The following FAM13C variants were observed in gnomAD, a reference collection of about 807,000 sequenced individuals.
FAM13C encodes family with sequence similarity 13 member C.
Under a neutral mutation model 73.2 loss-of-function variants are expected in FAM13C, and 37 were observed. The observed-to-expected ratio is 0.51, with a 90% CI of 0.39 to 0.67. FAM13C has a LOEUF of 0.67. Among genes scored for constraint, FAM13C ranks in the 30% least tolerant of loss-of-function variants. FAM13C has a pLI of 0.00. For synonymous variants in FAM13C, 246 were observed against 260.9 expected (o/e 0.94, Z 0.55); for missense variants, 589 against 715.6 (o/e 0.82, Z 2.02).
At chr10:59,328,225 C>T (rs1851446852) in intron 3 of FAM13C, among the ~76,000 whole-genome samples, 1 of 152,158 alleles carries the variant, frequency 6.6e-6, no homozygotes, top group Admixed American at 6.6e-5. Context: ...TTATCTCATC[C>T]AGGTACAGAG....
intron 4 of FAM13C, among the ~76,000 whole-genome samples, chr10:59,308,198 G>C (rs284581): frequency 0.018 from 2,759 of 152,128 alleles, 81 homozygotes; most frequent in African/African-American, 0.063. Context: ...TCCAGTGTAA[G>C]CTTGTCCTCT....
intron 5 of FAM13C, 25 bp downstream of exon 5, chr10:59,302,776 T>C (rs1847748810): frequency 1.9e-6 from 3 of 1,606,886 alleles, no homozygotes; most frequent in Admixed American, 1.7e-5. Context: ...TTCATGTTCT[T>C]ATAACCAGTA....
chr10:59,312,286 A>G (rs1441173055), intron 4 of FAM13C, among the ~76,000 whole-genome samples: 1 of 152,222 alleles, frequency 6.6e-6, no homozygotes, highest in Non-Finnish European at 1.5e-5. Context: ...TTCAAGGCAC[A>G]GGGGATTTGA....
chr10:59,268,634 G>A lies in FAM13C; in HGVS notation c.861C>T (p.Thr287=), dbSNP rs1843352221. 1 of 1,613,468 alleles carries A rather than the reference G, an allele frequency of 6.2e-7. No homozygotes were observed. ...GGCTCTGGATGTGCTTGGTGAGCTG[G>A]GTGATGGTCTGTGGCTCCTTGCCAT... ...CGDGKEPQTI[T]QLTKHIQSLK... The change falls in exon 8 of 14, where the codon ACC becomes ACT. Residue 287 remains threonine, a synonymous_variant. Coordinates refer to ENST00000618804, the MANE Select transcript of FAM13C (RefSeq NM_198215.4).
At chr10:59,276,735 A>C (rs1203780727) in intron 6 of FAM13C, among the ~76,000 whole-genome samples, 2 of 152,194 alleles carry the variant, frequency 1.3e-5, no homozygotes, top group Non-Finnish European at 2.9e-5. Flanking sequence ...TGGAAGAAGA[A>C]ATTTTTAAAC....
upstream of FAM13C, chr10:59,362,778 G>A: frequency 2.3e-6 from 1 of 431,842 alleles, no homozygotes; most frequent in South Asian, 3.8e-5. Flanking sequence ...CAGGCGCCGC[G>A]TTTAATCTTG....
chr10:59,270,832 C>T (rs990126716), intron 6 of FAM13C, among the ~76,000 whole-genome samples: 13 of 152,248 alleles, frequency 8.5e-5, no homozygotes, highest in Admixed American at 2.6e-4. Context: ...ACTTTATGTA[C>T]GATTTTATTT....
At chr10:59,262,155 G>A in intron 10 of FAM13C, among the ~76,000 whole-genome samples, 1 of 151,798 alleles carries the variant, frequency 6.6e-6, no homozygotes, top group East Asian at 1.9e-4. Flanking sequence ...ATTTGCAGGT[G>A]GAGAGAGTTG....
intron 5 of FAM13C, among the ~76,000 whole-genome samples, chr10:59,302,522 A>T (rs1489147569): frequency 6.6e-6 from 1 of 152,222 alleles, no homozygotes. Flanking sequence ...ACGGTTATAC[A>T]ATCCTGAAGC....
At chr10:59,360,937 G>T in intron 1 of FAM13C, 1 of 958,024 alleles carries the variant, frequency 1.0e-6, no homozygotes, top group Non-Finnish European at 1.5e-6. Context: ...GCCTGTGACT[G>T]ACCGAGGATT....
intron 4 of FAM13C, among the ~76,000 whole-genome samples, chr10:59,319,198 T>A (rs1047825828): frequency 6.6e-6 from 1 of 152,014 alleles, no homozygotes; most frequent in African/African-American, 2.4e-5. Flanking sequence ...CCTCTTTCTA[T>A]AAAGCAACAA....
intron 3 of FAM13C, among the ~76,000 whole-genome samples, chr10:59,345,112 C>T (rs939066324): frequency 3.3e-5 from 5 of 152,158 alleles, no homozygotes; most frequent in African/African-American, 9.7e-5. Context: ...TAACAGTCAT[C>T]CTGTATGGCA....
chr10:59,263,566 T>C (rs944766975), intron 9 of FAM13C, among the ~76,000 whole-genome samples: 1 of 152,168 alleles, frequency 6.6e-6, no homozygotes, highest in Non-Finnish European at 1.5e-5. Flanking sequence ...TAATAGTCTA[T>C]TTTAAATGGA....
In FAM13C at chr10:59,312,287, G is replaced by A. The variant is rs533375004; in HGVS notation, c.444-9423C>T. Among the ~76,000 whole-genome samples the A allele has an allele frequency of 3.3e-5, 5 of 152,294 alleles. No homozygotes were observed. The East Asian group carries it at 5.8e-4, about 18-fold the overall frequency. The stretch of plus-strand genomic sequence containing the variant: ...ACACAAGAATATTTTTCAAGGCACA[G>A]GGGATTTGAGTAGGCATTAATATTA... On this transcript the variant is annotated intron_variant, in intron 4 of 13. Coordinates refer to ENST00000618804, the MANE Select transcript of FAM13C (RefSeq NM_198215.4).
intron 13 of FAM13C, chr10:59,251,101 A>G (rs188345076): frequency 8.2e-4 from 136 of 165,816 alleles, no homozygotes; most frequent in African/African-American, 3.1e-3. Flanking sequence ...AAGAATGACT[A>G]TGAATTTTTG....
intron 3 of FAM13C, among the ~76,000 whole-genome samples, chr10:59,332,261 A>G (rs184169950): frequency 1.4e-3 from 217 of 152,092 alleles, no homozygotes; most frequent in Admixed American, 0.013. Context: ...TGTGTGTATT[A>G]TTACTGTGCA....
intron 3 of FAM13C, among the ~76,000 whole-genome samples, chr10:59,328,381 G>T (rs1358816806): frequency 6.6e-6 from 1 of 152,190 alleles, no homozygotes; most frequent in Non-Finnish European, 1.5e-5. Context: ...AGTGAGTTCA[G>T]CTGACTCTTG....
intron 3 of FAM13C, among the ~76,000 whole-genome samples, chr10:59,341,244 G>A (rs1019426355): frequency 2.0e-5 from 3 of 152,216 alleles, no homozygotes; most frequent in Middle Eastern, 6.8e-3. Flanking sequence ...GTTACCTACA[G>A]CTGAAAAGCC....
intron 7 of FAM13C, among the ~76,000 whole-genome samples, chr10:59,269,227 T>C (rs1300572359): frequency 6.6e-6 from 1 of 152,144 alleles, no homozygotes; most frequent in Non-Finnish European, 1.5e-5. Context: ...CAGGGTTAGA[T>C]ATATTCAAGA....
Sources: allele counts gnomAD v4.1 joint callset (sites outside exome capture counted in the v4.1 genomes callset), GRCh38; gene constraint gnomAD v4.1.1; transcripts MANE v1.5; gene names NCBI Gene and HGNC (gene_info 2026-07-23, HGNC 2026-07-21).